Variants in GALNTL6 observed in about 807,000 individuals in gnomAD.
GALNTL6 encodes polypeptide N-acetylgalactosaminyltransferase like 6.
Under a neutral mutation model 73.7 loss-of-function variants are expected in GALNTL6, and 46 were observed. The ratio of observed to expected loss-of-function variants is 0.62; its 90% CI spans 0.49 to 0.80. The LOEUF is 0.80. Ranked by LOEUF, GALNTL6 falls within the 30% of genes least tolerant of loss-of-function variation. The pLI, the probability that GALNTL6 is intolerant of heterozygous loss-of-function variation, is 0.00. For missense variants in GALNTL6, 604 were observed against 755.0 expected, an observed-to-expected ratio of 0.80 and a Z score of 2.34; for synonymous variants, 259 against 263.7, an observed-to-expected ratio of 0.98 and a Z score of 0.17.
intron 2 of GALNTL6, among the ~76,000 whole-genome samples, chr4:172,202,550 A>G (rs985678508): frequency 1.3e-5 from 2 of 152,182 alleles, no homozygotes; most frequent in Admixed American, 1.3e-4. Context: ...GGATATATAG[A>G]TAATTATATT....
At chr4:171,830,486 T>A (rs1734937807) in intron 2 of GALNTL6, among the ~76,000 whole-genome samples, 1 of 152,156 alleles carries the variant, frequency 6.6e-6, no homozygotes, top group Admixed American at 6.6e-5. Flanking sequence ...TTTATTTGAG[T>A]TGAGCTATAT....
At chr4:172,669,737 G>A (rs1731867784) in intron 5 of GALNTL6, among the ~76,000 whole-genome samples, 1 of 98,246 alleles carries the variant, frequency 1.0e-5, no homozygotes. Context: ...GTGCCATGGG[G>A]GGTTGATATA....
intron 7 of GALNTL6, among the ~76,000 whole-genome samples, chr4:172,871,131 ATACCCTAAT>A (rs971879871): frequency 5.9e-5 from 9 of 152,190 alleles, no homozygotes; most frequent in African/African-American, 2.2e-4. Flanking sequence ...TTTCTGCTCC[ATACCCTAAT>A]TACTTCTGGT....
At chr4:171,922,030 C>T (rs775303505) in intron 2 of GALNTL6, among the ~76,000 whole-genome samples, 74 of 151,812 alleles carry the variant, frequency 4.9e-4, no homozygotes, top group Non-Finnish European at 9.0e-4. Context: ...TTTACTATCC[C>T]TGCCATTAAT....
chr4:172,424,764 C>T (rs937390066), intron 5 of GALNTL6, among the ~76,000 whole-genome samples: 2 of 152,056 alleles, frequency 1.3e-5, no homozygotes, highest in African/African-American at 4.8e-5. Flanking sequence ...CATTTTAGCT[C>T]TTATTCCATT....
At chr4:171,966,075 A>G (rs772358740) in intron 2 of GALNTL6, among the ~76,000 whole-genome samples, 6 of 152,068 alleles carry the variant, frequency 3.9e-5, no homozygotes, top group South Asian at 4.1e-4. Flanking sequence ...TTCTTTTTTA[A>G]CTTTTGAGAG....
chr4:172,973,275 T>G (rs974701935), intron 10 of GALNTL6, among the ~76,000 whole-genome samples: 1 of 152,212 alleles, frequency 6.6e-6, no homozygotes, highest in African/African-American at 2.4e-5. Context: ...TCTGGTATGA[T>G]ATGATGCAAC....
chr4:172,193,706 C>CAA (rs1299136187), intron 2 of GALNTL6, among the ~76,000 whole-genome samples: 17 of 149,768 alleles, frequency 1.1e-4, no homozygotes, highest in East Asian at 3.9e-4. Flanking sequence ...ACTAAAAATA[C>CAA]AAAAAAATTA....
rs1741433507 is a variant in GALNTL6, at chr4:172,813,588, T to G, written c.788T>G (p.Val263Gly). 6.2e-7 allele frequency: 1 copy of G among 1,612,814 alleles called. No individual in the cohort carries two copies. The highest frequency in any genetic ancestry group is 8.5e-7 in the Non-Finnish European group (1 of 1,179,140). Residue 263 changes from valine to glycine, a missense_variant, in exon 7 of 13, where the codon GTC becomes GGC. Val to Gly is a moderately radical substitution (Grantham distance 109, BLOSUM62 -3). This residue lies in a region of GALNTL6 where 179 missense variants were observed against 230.8 expected (regional missense o/e 0.78). Transcript: ENST00000506823. ...HKTIVCPMID[V>G]IDHNHFGYEA... ...ACCATCGTGTGTCCCATGATCGATG[T>G]CATTGACCACAATCACTTCGGGTAT... is the stretch of plus-strand genomic sequence containing the variant.
At chr4:172,662,722 T>G (rs1731443046) in intron 5 of GALNTL6, among the ~76,000 whole-genome samples, 1 of 152,234 alleles carries the variant, frequency 6.6e-6, no homozygotes, top group Non-Finnish European at 1.5e-5. Flanking sequence ...GATTCTGTGA[T>G]GAAATTAGCC....
intron 5 of GALNTL6, among the ~76,000 whole-genome samples, chr4:172,595,868 A>G (rs747987873): frequency 2.0e-5 from 3 of 152,188 alleles, no homozygotes; most frequent in Non-Finnish European, 4.4e-5. Flanking sequence ...TCCAAATCAA[A>G]TGGGAGAACA....
At chr4:172,108,888 C>A (rs1732766400) in intron 2 of GALNTL6, among the ~76,000 whole-genome samples, 1 of 151,626 alleles carries the variant, frequency 6.6e-6, no homozygotes, top group African/African-American at 2.4e-5. Flanking sequence ...TAGCGTGCGC[C>A]CATATTCCCA....
In GALNTL6 at chr4:172,706,603, T is replaced by G. The variant is rs376065387; in HGVS notation, c.554-102758T>G. Among the ~76,000 whole-genome samples the G allele has an allele frequency of 2.6e-5, 4 of 152,274 alleles. No individual in the cohort carries two copies. The South Asian group carries it at 8.3e-4, about 32-fold the overall frequency. ...GGTCTTTCCAGAGTATGTCTGTCTG[T>G]GCAGGTTGACTGATGAGTTCCTTTA... On this transcript the variant is annotated intron_variant, in intron 5 of 12. Transcript: ENST00000506823.
intron 5 of GALNTL6, among the ~76,000 whole-genome samples, chr4:172,390,865 G>A (rs1743642835): frequency 1.3e-5 from 2 of 152,110 alleles, no homozygotes; most frequent in Non-Finnish European, 2.9e-5. Flanking sequence ...TAGGAGCTTT[G>A]ATTACAAACA....
At chr4:172,225,098 C>T (rs1396247443) in intron 2 of GALNTL6, among the ~76,000 whole-genome samples, 2 of 151,934 alleles carry the variant, frequency 1.3e-5, no homozygotes, top group African/African-American at 4.8e-5. Flanking sequence ...AGGTACAATA[C>T]TGTTTATATT....
intron 2 of GALNTL6, among the ~76,000 whole-genome samples, chr4:172,010,817 T>C (rs906800564): frequency 2.6e-5 from 4 of 152,012 alleles, no homozygotes; most frequent in Non-Finnish European, 5.9e-5. Flanking sequence ...GTCAAACAAG[T>C]GCTTGTGAAA....
At chr4:171,943,983 T>C (rs1012217443) in intron 2 of GALNTL6, among the ~76,000 whole-genome samples, 6 of 152,076 alleles carry the variant, frequency 3.9e-5, no homozygotes, top group African/African-American at 1.4e-4. Context: ...CTAGAAATTA[T>C]AGAAGAACAT....
intron 7 of GALNTL6, among the ~76,000 whole-genome samples, chr4:172,861,539 C>T (rs1244710037): frequency 2.6e-5 from 4 of 152,084 alleles, no homozygotes; most frequent in Admixed American, 2.6e-4. Flanking sequence ...TAAGAATGAG[C>T]CTGGGAGCAT....
chr4:172,021,262 G>A (rs1232535018), intron 2 of GALNTL6, among the ~76,000 whole-genome samples: 1 of 151,938 alleles, frequency 6.6e-6, no homozygotes, highest in African/African-American at 2.4e-5. Flanking sequence ...TACTTAACAT[G>A]TTATTGGAAG....
Sources: allele counts gnomAD v4.1 joint callset (sites outside exome capture counted in the v4.1 genomes callset), GRCh38; gene constraint gnomAD v4.1.1; regional missense constraint gnomAD v4.1.1; transcripts MANE v1.5; gene names NCBI Gene and HGNC (gene_info 2026-07-23, HGNC 2026-07-21).